Variants in PANK2 observed in about 807,000 individuals in gnomAD.
PANK2 encodes the protein pantothenate kinase 2, mitochondrial.
PANK2 carries 36 observed loss-of-function variants against 43.1 expected under a neutral mutation model. The ratio of observed to expected loss-of-function variants is 0.84; its 90% CI spans 0.64 to 1.10. PANK2 has a LOEUF of 1.10. Ranked by LOEUF, PANK2 falls within the 50% of genes least tolerant of loss-of-function variation. The probability of loss-of-function intolerance (pLI) is 0.00; values close to 1 mark genes in which losing one functional copy is unlikely to be tolerated. For missense variants in PANK2, 576 were observed against 593.3 expected, an observed-to-expected ratio of 0.97 and a Z score of 0.30; for synonymous variants, 281 against 238.2, an observed-to-expected ratio of 1.18 and a Z score of -1.66.
At chr20:3,913,458 C>T (rs189021318) in intron 4 of PANK2, among the ~76,000 whole-genome samples, 1,544 of 150,950 alleles carry the variant, frequency 0.01, 21 homozygotes, top group Non-Finnish European at 0.015. Flanking sequence ...ATTCTCCTGC[C>T]TCAGCCTCCT....
At chr20:3,903,440 G>T (rs192230423) in intron 1 of PANK2, among the ~76,000 whole-genome samples, 1 of 148,894 alleles carries the variant, frequency 6.7e-6, no homozygotes, top group Non-Finnish European at 1.5e-5. Context: ...GAGCCACGAC[G>T]CCCGGCTTTT....
rs398035231 is a variant in PANK2 at position 3,926,961 on chromosome 20, A to AG, written c.*3667_*3668insG. The stretch of plus-strand genomic sequence containing the variant: ...GTCTCAAAAAAAAAAAAAAAAAAAA[A>AG]TCCGCTATTTCAGGTCACCCTGGTG... On this transcript the variant is annotated 3_prime_UTR_variant, in exon 7 of 7. Transcript: ENST00000610179. The AG allele has an allele frequency of 1.3e-5, 2 of 156,464 alleles. No homozygotes were observed. The highest frequency in any genetic ancestry group is 2.4e-5 in the African/African-American group (1 of 41,214). 9.7% of individuals were successfully genotyped at this position (156,464 alleles called of 1,614,324 possible).
At position 3,889,435 on chromosome 20, in the gene PANK2, G is replaced by A. The variant is rs774558831; in HGVS notation, c.5G>A (p.Gly2Glu). 19 of 1,561,380 alleles carry A rather than the reference G, an allele frequency of 1.2e-5. No homozygotes were observed. Among genetic ancestry groups the A allele is most frequent in the East Asian group, 4.7e-5 (2 of 42,626 alleles). The change falls in exon 1 of 7, where the codon GGG becomes GAG. Residue 2 changes from glycine (G) to glutamate (E), a missense_variant. This residue lies in a region of PANK2 where 544 missense variants were observed against 528.9 expected (regional missense o/e 1.03). Coordinates refer to ENST00000610179, the MANE Select transcript of PANK2 (RefSeq NM_001386393.1). ...GAGGCGAGAAGGAATCCGACGCTGG[G>A]GGGCTTGCTCGGGCGGCAGCGACTG...
At chr20:3,921,860 G>C (rs2090652256) in intron 6 of PANK2, 1 of 152,162 alleles carries the variant, frequency 6.6e-6, no homozygotes, top group African/African-American at 2.4e-5. Flanking sequence ...ACAGGCACGT[G>C]CCACCGCACC....
intron 6 of PANK2, among the ~76,000 whole-genome samples, chr20:3,922,829 T>G (rs2090667335): frequency 6.6e-6 from 1 of 152,202 alleles, no homozygotes; most frequent in Admixed American, 6.5e-5. Flanking sequence ...CAACTTCACC[T>G]GTTTCATTGC....
chr20:3,911,890 CA>C (rs35317201), intron 3 of PANK2, among the ~76,000 whole-genome samples: 106 of 140,414 alleles, frequency 7.5e-4, no homozygotes, highest in East Asian at 1.6e-3. Flanking sequence ...AACTCCATCT[CA>C]AAAAAAAAAA....
chr20:3,909,271 G>A (rs1348032543), intron 2 of PANK2, among the ~76,000 whole-genome samples: 22 of 152,098 alleles, frequency 1.4e-4, no homozygotes, highest in Non-Finnish European at 7.4e-5. Flanking sequence ...GTAGAGACAG[G>A]GTTTCTCCAT....
chr20:3,917,188 C>A, intron 5 of PANK2, 138 bp downstream of exon 5: 2 of 974,966 alleles, frequency 2.1e-6, no homozygotes, highest in Non-Finnish European at 3.1e-6. Context: ...AGTTAAAACT[C>A]TTCAAATACA....
rs2090741664 is a variant in PANK2, at chr20:3,927,561, GA to G, written c.*4270del. ...AGGGAGTTACACAATACCTAGTGAG[GA>G]AACCCGAGGGCCAAACTACAAGACG... On this transcript the variant is annotated 3_prime_UTR_variant, in exon 7 of 7. Coordinates refer to ENST00000610179, the MANE Select transcript of PANK2 (RefSeq NM_001386393.1). The G allele has an allele frequency of 6.6e-6, 1 of 152,096 alleles. No homozygotes were observed. The highest frequency in any genetic ancestry group is 1.5e-5 in the Non-Finnish European group (1 of 68,028). The allele number at this position is 152,096 out of a possible 1,614,324, so 9.4% of individuals were successfully genotyped here.
intron 1 of PANK2, 22 bp downstream of exon 1, chr20:3,889,750 C>G: frequency 6.3e-7 from 1 of 1,584,410 alleles, no homozygotes; most frequent in Non-Finnish European, 8.5e-7. Flanking sequence ...GTGGGGCGCC[C>G]TCCCGGCCCG....
chr20:3,888,977 G>GATCATTAAAAA, upstream of PANK2: 1 of 745,552 alleles, frequency 1.3e-6, no homozygotes, highest in South Asian at 2.0e-5. Flanking sequence ...TGCTGGGCTG[G>GATCATTAAAAA]AGGAGGGCTC....
rs145117633 is a variant in PANK2 at position 3,919,896 on chromosome 20, G to A, written c.1332+1100G>A. 7.0e-3 allele frequency among the ~76,000 whole-genome samples: 1,070 copies of A among 152,214 alleles called. 7 individuals carry two copies. The highest frequency in any genetic ancestry group is 0.012 in the Non-Finnish European group (815 of 67,984). ...ACTTTTTCCTTTAAAGTTACTTTAA[G>A]TTTTTCTTTTTAAATTGCTTTAGTT... On this transcript the variant is annotated intron_variant, in intron 6 of 6. Transcript: ENST00000610179.
chr20:3,923,137 T>TATGCTGTGTG (rs2090672929), intron 6 of PANK2, 107 bp from the exon 7 acceptor site: 1 of 1,278,742 alleles, frequency 7.8e-7, no homozygotes, highest in African/African-American at 1.5e-5. Context: ...AGGAAATGGG[T>TATGCTGTGTG]ATGCTGTGTG....
intron 1 of PANK2, among the ~76,000 whole-genome samples, chr20:3,890,949 A>C (rs778081514): frequency 3.9e-5 from 6 of 152,208 alleles, no homozygotes; most frequent in African/African-American, 1.4e-4. Flanking sequence ...AAAATATGAG[A>C]TCCTTCATGG....
At chr20:3,911,292 AAG>A (rs1307143701) in intron 3 of PANK2, among the ~76,000 whole-genome samples, 2 of 152,158 alleles carry the variant, frequency 1.3e-5, no homozygotes, top group Non-Finnish European at 2.9e-5. Flanking sequence ...GTAGTATGAA[AAG>A]AGAGGATTAG....
chr20:3,921,070 ATTT>A (rs1051276871), intron 6 of PANK2, among the ~76,000 whole-genome samples: 1 of 151,604 alleles, frequency 6.6e-6, no homozygotes, highest in African/African-American at 2.4e-5. Context: ...TTATTTTTTT[ATTT>A]AAGTTCTAGG....
At chr20:3,906,969 C>G (rs2090396959) in intron 1 of PANK2, among the ~76,000 whole-genome samples, 1 of 151,908 alleles carries the variant, frequency 6.6e-6, no homozygotes, top group African/African-American at 2.4e-5. Flanking sequence ...CAGCTGATTT[C>G]TGTATTTTTA....
rs1303192912 is a variant in PANK2 at position 3,889,665 on chromosome 20, T to C, written c.235T>C (p.Ser79Pro). The C allele has an allele frequency of 2.5e-6, 4 of 1,590,012 alleles. No individual in the cohort carries two copies. The highest frequency in any genetic ancestry group is 2.7e-5 in the African/African-American group (2 of 74,766). Residue 79 changes from serine to proline, a missense_variant, in exon 1 of 7, where the codon TCT (serine) becomes CCT (proline). Physicochemically the swap from Ser to Pro is moderately conservative, Grantham distance 74 (BLOSUM62 -1). Around this residue, in one of 2 missense-constraint regions of PANK2, gnomAD observed 544 missense variants for 528.9 expected, o/e 1.03. Transcript: ENST00000610179. Reference sequence around the variant, plus strand: ...GGGCACGAGGCGGGATCGACTGGGCTCTTACAGCGGCCCCACCTCGGTCTC... The same window carrying C: ...GGGCACGAGGCGGGATCGACTGGGCCCTTACAGCGGCCCCACCTCGGTCTC...
At position 3,889,672 on chromosome 20, in the gene PANK2, GC is replaced by G. The variant is rs916725028; in HGVS notation, c.243del (p.Ser81ArgfsTer14). 8.8e-6 allele frequency: 14 copies of G among 1,591,380 alleles called. No individual in the cohort carries two copies. The highest frequency in any genetic ancestry group is 1.2e-5 in the Non-Finnish European group (14 of 1,177,152). ...AGGCGGGATCGACTGGGCTCTTACA[GC>G]GGCCCCACCTCGGTCTCCCGCCAGC... On this transcript the variant is annotated frameshift_variant, in exon 1 of 7. Coordinates refer to ENST00000610179, the MANE Select transcript of PANK2 (RefSeq NM_001386393.1). LOFTEE classifies it high-confidence loss of function.
Sources: allele counts gnomAD v4.1 joint callset (sites outside exome capture counted in the v4.1 genomes callset), GRCh38; gene constraint gnomAD v4.1.1; regional missense constraint gnomAD v4.1.1; transcripts MANE v1.5; gene names NCBI Gene and HGNC (gene_info 2026-07-23, HGNC 2026-07-21).